The following FSTL5 variants were observed in gnomAD, a reference collection of about 807,000 sequenced individuals.
The protein encoded by FSTL5 is follistatin-related protein 5.
A neutral mutation model predicts 89.1 loss-of-function variants in FSTL5; 62 were observed. That is an observed-to-expected ratio of 0.70 (90% CI 0.57 to 0.86). The LOEUF is 0.86. FSTL5 is among the 40% of genes least tolerant of loss of function. The pLI is 0.00. For missense variants in FSTL5, 1,057 were observed against 1,001.6 expected, an observed-to-expected ratio of 1.06 and a Z score of -0.75; for synonymous variants, 383 against 346.2, an observed-to-expected ratio of 1.11 and a Z score of -1.18.
intron 3 of FSTL5, among the ~76,000 whole-genome samples, chr4:161,985,615 G>T (rs981123431): frequency 6.6e-6 from 1 of 151,624 alleles, no homozygotes; most frequent in Non-Finnish European, 1.5e-5. Flanking sequence ...AAATATCCAT[G>T]CACTTATATG....
At chr4:161,852,042 A>G (rs1391159575) in intron 4 of FSTL5, among the ~76,000 whole-genome samples, 1 of 152,090 alleles carries the variant, frequency 6.6e-6, no homozygotes, top group African/African-American at 2.4e-5. Flanking sequence ...ATTGTAAATT[A>G]CTTTATTTAT....
At chr4:161,680,716 T>G (rs182148893) in intron 6 of FSTL5, among the ~76,000 whole-genome samples, 1 of 151,882 alleles carries the variant, frequency 6.6e-6, no homozygotes. Context: ...TATATTTTTT[T>G]ATATGCCCTT....
At chr4:161,495,297 C>A (rs1730028515) in intron 12 of FSTL5, 1 of 152,032 alleles carries the variant, frequency 6.6e-6, no homozygotes, top group Admixed American at 6.6e-5. Context: ...AAGGATGGAA[C>A]AGTAGTAGAA....
chr4:161,509,351 T>G (rs2126498374), intron 11 of FSTL5, among the ~76,000 whole-genome samples: 1 of 152,270 alleles, frequency 6.6e-6, no homozygotes, highest in Non-Finnish European at 1.5e-5. Context: ...TCAAGGCTAC[T>G]TTCATTAACG....
At chr4:162,127,295 A>G (rs1314425362) in intron 1 of FSTL5, among the ~76,000 whole-genome samples, 1 of 151,974 alleles carries the variant, frequency 6.6e-6, no homozygotes, top group Non-Finnish European at 1.5e-5. Context: ...TTTATTTATT[A>G]CTGTTTTATA....
chr4:162,153,695 ATATG>A (rs1343173710), intron 1 of FSTL5, among the ~76,000 whole-genome samples: 2 of 84,330 alleles, frequency 2.4e-5, no homozygotes, highest in Admixed American at 1.1e-4. Context: ...ATAATAATAT[ATATG>A]TATATTATAT....
At chr4:161,504,474 T>G (rs1202825674) in intron 11 of FSTL5, among the ~76,000 whole-genome samples, 2 of 142,638 alleles carry the variant, frequency 1.4e-5, no homozygotes, top group Non-Finnish European at 3.0e-5. Flanking sequence ...TGTTTTTCGT[T>G]TTTGTTTTTT....
At chr4:161,448,877 A>T (rs1218738564) in intron 15 of FSTL5, among the ~76,000 whole-genome samples, 1 of 152,154 alleles carries the variant, frequency 6.6e-6, no homozygotes, top group Non-Finnish European at 1.5e-5. Flanking sequence ...GAAGAGTAAC[A>T]CTGAGGTCCA....
chr4:162,163,636 G>A lies in FSTL5; in HGVS notation c.-38C>T, dbSNP rs948122398. On this transcript the variant is annotated 5_prime_UTR_variant, in exon 1 of 16. Transcript: ENST00000306100. ...TTACCTTATTTTAACAGTCACAAAA[G>A]TCCCCCAGAAAGATTCCTAAACGCT... The A allele has an allele frequency of 6.6e-6, 1 of 150,578 alleles. No individual in the cohort carries two copies. Among genetic ancestry groups the A allele is most frequent in the Non-Finnish European group, 1.5e-5 (1 of 67,780 alleles). 9.3% of individuals were successfully genotyped at this position (150,578 alleles called of 1,614,324 possible). A position where few individuals can be genotyped will look rare whatever the true frequency, so the allele number is the denominator to read the frequency against.
At chr4:162,144,856 A>G (rs1732907750) in intron 1 of FSTL5, among the ~76,000 whole-genome samples, 1 of 151,972 alleles carries the variant, frequency 6.6e-6, no homozygotes. Context: ...ATGTAAAACT[A>G]CTTTTAAATG....
chr4:162,014,324 G>A (rs1474883563), intron 3 of FSTL5, among the ~76,000 whole-genome samples: 1 of 152,192 alleles, frequency 6.6e-6, no homozygotes, highest in East Asian at 1.9e-4. Context: ...CAAGGCAGCT[G>A]GAGTCCAAGC....
chr4:161,414,347 C>A (rs553723517), intron 15 of FSTL5, among the ~76,000 whole-genome samples: 1 of 152,248 alleles, frequency 6.6e-6, no homozygotes, highest in Non-Finnish European at 1.5e-5. Flanking sequence ...AAACCATAAT[C>A]ATCTGTAGAA....
intron 1 of FSTL5, among the ~76,000 whole-genome samples, chr4:162,113,409 T>C (rs2111412940): frequency 6.6e-6 from 1 of 152,258 alleles, no homozygotes; most frequent in Non-Finnish European, 1.5e-5. Flanking sequence ...GTCAAGACGC[T>C]TCTCACCTAA....
At chr4:161,870,922 G>A (rs1412244374) in intron 4 of FSTL5, among the ~76,000 whole-genome samples, 1 of 151,958 alleles carries the variant, frequency 6.6e-6, no homozygotes, top group East Asian at 1.9e-4. Flanking sequence ...AGCTTGTTGA[G>A]GCAAAAAGAT....
rs138593144 is a variant in FSTL5, at chr4:161,464,013, G to C, written c.1609-4694C>G. Among the ~76,000 whole-genome samples the C allele has an allele frequency of 6.3e-3, 962 of 151,540 alleles. 5 individuals are homozygous for C. Among genetic ancestry groups the C allele is most frequent in the Non-Finnish European group, 8.9e-3 (605 of 67,916 alleles). On this transcript the variant is annotated intron_variant, in intron 13 of 15. Transcript: ENST00000306100. ...AGTGATTTTTTTTTTCATTCTTTAA[G>C]CATCAGGCAAGTCATGACAGTAATC...
In FSTL5 at chr4:161,878,686, C is replaced by T. The variant is rs145815335; in HGVS notation, c.409+41718G>A. Among the ~76,000 whole-genome samples the T allele has an allele frequency of 3.0e-3, 463 of 152,008 alleles. 5 individuals are homozygous for T. Among genetic ancestry groups the T allele is most frequent in the African/African-American group, 0.01 (435 of 41,492 alleles). On this transcript the variant is annotated intron_variant, in intron 4 of 15. Transcript: ENST00000306100. ...AATTGTAAAATAAAATAGAATATCC[C>T]TAGTAGCCAACACCAAAAGTGAAAC...
intron 6 of FSTL5, among the ~76,000 whole-genome samples, chr4:161,657,352 C>T (rs1008768752): frequency 2.0e-4 from 30 of 152,192 alleles, no homozygotes; most frequent in African/African-American, 7.0e-4. Flanking sequence ...AAGTTTTCTA[C>T]ATTATGATTT....
At chr4:161,909,791 C>T (rs1197922299) in intron 4 of FSTL5, among the ~76,000 whole-genome samples, 1 of 152,212 alleles carries the variant, frequency 6.6e-6, no homozygotes, top group Admixed American at 6.5e-5. Context: ...CTCTCTACCA[C>T]ATCCAGAGGC....
chr4:161,617,322 C>T (rs747488093), intron 7 of FSTL5, among the ~76,000 whole-genome samples: 11 of 151,638 alleles, frequency 7.3e-5, no homozygotes, highest in East Asian at 5.8e-4. Context: ...AGAAATTATG[C>T]CACAAATAAA....
Sources: allele counts gnomAD v4.1 joint callset (sites outside exome capture counted in the v4.1 genomes callset), GRCh38; gene constraint gnomAD v4.1.1; transcripts MANE v1.5; gene names NCBI Gene and HGNC (gene_info 2026-07-23, HGNC 2026-07-21).